Variants in OXSR1 observed in about 807,000 individuals in gnomAD.
The protein encoded by OXSR1 is oxidative stress responsive kinase 1, also known as serine/threonine-protein kinase OSR1.
OXSR1 carries 24 observed loss-of-function variants against 79.8 expected under a neutral mutation model. The observed-to-expected ratio is 0.30, with a 90% CI of 0.22 to 0.42. The LOEUF (loss-of-function observed/expected upper bound fraction) is 0.42, where lower values mean the gene tolerates loss of function less well. OXSR1 is among the 10% of genes least tolerant of loss of function. OXSR1 has a pLI of 1.00. For synonymous variants in OXSR1, 226 were observed against 209.2 expected (o/e 1.08, Z -0.69); for missense variants, 430 against 618.4 (o/e 0.70, Z 3.23).
At position 38,251,423 on chromosome 3, in the gene OXSR1, C is replaced by G; in HGVS notation, c.1396C>G (p.Gln466Glu). 1.9e-6 allele frequency: 3 copies of G among 1,613,458 alleles called. No individual in the cohort carries two copies. Among genetic ancestry groups the G allele is most frequent in the Non-Finnish European group, 2.5e-6 (3 of 1,179,488 alleles). ...TGCAGATACAGCAGAGGGTGTCTCTCAGGAACTCATTTCTGCTGGCCTGGT... is the reference window on the plus strand; with the variant it reads ...TGCAGATACAGCAGAGGGTGTCTCTGAGGAACTCATTTCTGCTGGCCTGGT... ...PGRDTAEGVS[Q>E]ELISAGLVDG... The change falls in exon 16 of 18, where the codon CAG becomes GAG. Residue 466 changes from glutamine to glutamate, a missense_variant. Physicochemically the swap from Gln to Glu is conservative, Grantham distance 29. Coordinates refer to ENST00000311806, the MANE Select transcript of OXSR1 (RefSeq NM_005109.3).
intron 11 of OXSR1, among the ~76,000 whole-genome samples, chr3:38,239,005 GT>G (rs1702974599): frequency 6.6e-6 from 1 of 151,870 alleles, no homozygotes; most frequent in African/African-American, 2.4e-5. Flanking sequence ...ATTTTGTGTA[GT>G]TTTTATGGTA....
Position 38,246,117 on chromosome 3 carries a change from C to G in OXSR1, c.1153C>G (p.Pro385Ala), listed in dbSNP as rs776167759. 37 of 1,613,760 alleles carry G rather than the reference C, an allele frequency of 2.3e-5. 2 individuals carry two copies. In the South Asian group the frequency reaches 3.7e-4, roughly 16 times the overall value. The change falls in exon 13 of 18, where the codon CCA (proline) becomes GCA (alanine). Residue 385 changes from proline to alanine, a missense_variant. Pro to Ala is a conservative substitution (Grantham distance 27). Coordinates refer to ENST00000311806, the MANE Select transcript of OXSR1 (RefSeq NM_005109.3). ...TDPVGTLLQV[P>A]EQISAHLPQP... ...TCCTGTGGGTACTTTGCTCCAAGTT[C>G]CAGAACAGATCTCTGCTCATCTACC...
At position 38,183,374 on chromosome 3, in the gene OXSR1, TGTA is replaced by T. The variant is rs372758545; in HGVS notation, c.183+262_183+264del. On this transcript the variant is annotated intron_variant, in intron 2 of 17. Transcript: ENST00000311806. ...GAATATATTTGTATTTTTATGATAA[TGTA>T]GTCAGATTCTTGCTCTTTTCATTTA... Among the ~76,000 whole-genome samples, 1,113 of 152,338 alleles carry T rather than the reference TGTA, an allele frequency of 7.3e-3. 14 individuals carry two copies. Among genetic ancestry groups the T allele is most frequent in the African/African-American group, 0.026 (1,062 of 41,580 alleles).
chr3:38,168,571 T>C lies in OXSR1; in HGVS notation c.70+2625T>C, dbSNP rs570924042. ...CTGATTAAAATGTACAATTCAATAA[T>C]CTTTTAGTAAATTTACATAATTGTT... On this transcript the variant is annotated intron_variant, in intron 1 of 17. Coordinates refer to ENST00000311806, the MANE Select transcript of OXSR1 (RefSeq NM_005109.3). Among the ~76,000 whole-genome samples the C allele has an allele frequency of 2.0e-5, 3 of 152,308 alleles. No individual in the cohort carries two copies. In the South Asian group the frequency reaches 6.2e-4, roughly 32 times the overall value.
chr3:38,218,425 G>A (rs954192062), intron 5 of OXSR1, among the ~76,000 whole-genome samples: 33 of 152,142 alleles, frequency 2.2e-4, no homozygotes, highest in African/African-American at 7.2e-5. Flanking sequence ...TAGTGATGGT[G>A]AACATCTTTT....
rs895480981 is a variant in OXSR1 at position 38,221,522 on chromosome 3, A to G, written c.491-56A>G. 2.2e-5 allele frequency: 20 copies of G among 903,334 alleles called. No individual in the cohort carries two copies. The African/African-American group carries it at 3.0e-4, about 13-fold the overall frequency. 56.0% of individuals were successfully genotyped at this position (903,334 alleles called of 1,614,324 possible). The stretch of plus-strand genomic sequence containing the variant: ...GTTCACTACATTGTATTGTTTTCCT[A>G]TTCATTTATGATAGTTGATGCACTT... On this transcript the variant is annotated intron_variant, in intron 5 of 17. Transcript: ENST00000311806.
At chr3:38,246,418 CAG>C (rs1703144232) in intron 13 of OXSR1, among the ~76,000 whole-genome samples, 197 bp downstream of exon 13, 2 of 152,120 alleles carry the variant, frequency 1.3e-5, no homozygotes, top group Admixed American at 1.3e-4. Context: ...TTTTAAGCAA[CAG>C]AATAAGTTAA....
At chr3:38,204,889 C>T (rs1702237318) in intron 4 of OXSR1, among the ~76,000 whole-genome samples, 1 of 151,858 alleles carries the variant, frequency 6.6e-6, no homozygotes, top group Non-Finnish European at 1.5e-5. Flanking sequence ...CAGAACTTGC[C>T]CAGGAATTGC....
At chr3:38,246,254 C>T (rs1220351783) in intron 13 of OXSR1, 33 bp downstream of exon 13, 7 of 1,607,974 alleles carry the variant, frequency 4.4e-6, no homozygotes, top group Non-Finnish European at 6.0e-6. Context: ...ATGGTCACTC[C>T]TTTGGATAGA....
chr3:38,248,882 C>G (rs1043855243), intron 14 of OXSR1, among the ~76,000 whole-genome samples: 1 of 151,992 alleles, frequency 6.6e-6, no homozygotes, highest in Non-Finnish European at 1.5e-5. Flanking sequence ...TAGCACTCTT[C>G]GGTACTGTGG....
chr3:38,248,588 C>T (rs965758030), intron 14 of OXSR1, among the ~76,000 whole-genome samples: 13 of 152,264 alleles, frequency 8.5e-5, no homozygotes, highest in Non-Finnish European at 1.8e-4. Flanking sequence ...AGTCATCTTT[C>T]TGTAAGGTCC....
chr3:38,165,773 G>A lies in OXSR1; in HGVS notation c.-104G>A. On this transcript the variant is annotated 5_prime_UTR_variant, in exon 1 of 18. Coordinates refer to ENST00000311806, the MANE Select transcript of OXSR1 (RefSeq NM_005109.3). ...GGCTGTTCCGAGACGATTGGTGGGG[G>A]CGCGGCGGCGGCGGCGGCGGCTGTT... The A allele has an allele frequency of 9.9e-7, 1 of 1,014,386 alleles. No homozygotes were observed. Among genetic ancestry groups the A allele is most frequent in the Non-Finnish European group, 1.5e-6 (1 of 674,952 alleles). 62.8% of individuals were successfully genotyped at this position (1,014,386 alleles called of 1,614,324 possible).
chr3:38,203,152 T>G (rs531341087), intron 4 of OXSR1, among the ~76,000 whole-genome samples: 11 of 152,320 alleles, frequency 7.2e-5, no homozygotes, highest in South Asian at 4.1e-4. Context: ...TTGAAGTCTT[T>G]GATCTTTCTT....
At chr3:38,196,013 A>G (rs535437654) in intron 3 of OXSR1, among the ~76,000 whole-genome samples, 2 of 152,320 alleles carry the variant, frequency 1.3e-5, no homozygotes, top group Admixed American at 1.3e-4. Context: ...TTTAAAATCC[A>G]GCTTCTTGGG....
chr3:38,245,969 C>G (rs1188868114), intron 12 of OXSR1, 106 bp from the exon 13 acceptor site: 6 of 995,722 alleles, frequency 6.0e-6, no homozygotes, highest in Non-Finnish European at 9.4e-6. Flanking sequence ...GTACACTACC[C>G]AAAAACTACT....
intron 4 of OXSR1, among the ~76,000 whole-genome samples, chr3:38,202,258 G>A (rs1702178583): frequency 6.6e-6 from 1 of 152,230 alleles, no homozygotes; most frequent in South Asian, 2.1e-4. Flanking sequence ...GGCAGGGATT[G>A]TCTCTGTGAT....
chr3:38,224,277 G>A (rs550653366), intron 7 of OXSR1, among the ~76,000 whole-genome samples: 1 of 152,248 alleles, frequency 6.6e-6, no homozygotes, highest in African/African-American at 2.4e-5. Context: ...CATGGCTAGC[G>A]TAATGTCCCC....
chr3:38,202,684 A>C (rs958038955), intron 4 of OXSR1, among the ~76,000 whole-genome samples: 1 of 152,278 alleles, frequency 6.6e-6, no homozygotes, highest in African/African-American at 2.4e-5. Flanking sequence ...AATCATTATT[A>C]TAAACATTAT....
At chr3:38,241,281 A>T (rs959436147) in intron 11 of OXSR1, among the ~76,000 whole-genome samples, 3 of 152,162 alleles carry the variant, frequency 2.0e-5, no homozygotes, top group Non-Finnish European at 4.4e-5. Context: ...AACCCCATGT[A>T]TGTGGTGGGA....
Sources: allele counts gnomAD v4.1 joint callset (sites outside exome capture counted in the v4.1 genomes callset), GRCh38; gene constraint gnomAD v4.1.1; transcripts MANE v1.5; gene names NCBI Gene and HGNC (gene_info 2026-07-23, HGNC 2026-07-21).